The following NFATC3 variants were observed in gnomAD, a reference collection of about 807,000 sequenced individuals.
NFATC3 encodes the protein nuclear factor of activated T cells 3.
Under a neutral mutation model 98.6 loss-of-function variants are expected in NFATC3, and 46 were observed. The observed-to-expected ratio is 0.47, with a 90% confidence interval of 0.37 to 0.60. The LOEUF (loss-of-function observed/expected upper bound fraction) is 0.60, where lower values mean the gene tolerates loss of function less well. Ranked by LOEUF, NFATC3 falls within the 20% of genes least tolerant of loss-of-function variation. The pLI is 0.00. For synonymous variants in NFATC3, 512 were observed against 472.2 expected (o/e 1.08, Z -1.09); for missense variants, 1,256 against 1,295.5 (o/e 0.97, Z 0.47).
At chr16:68,192,000 A>G (rs551937993) in intron 9 of NFATC3, 3 of 490,368 alleles carry the variant, frequency 6.1e-6, no homozygotes, top group Non-Finnish European at 1.1e-5. Flanking sequence ...CAAGGTCAGG[A>G]GTTCAAGACC....
chr16:68,094,337 A>G (rs1379551677), intron 1 of NFATC3, among the ~76,000 whole-genome samples: 2 of 152,136 alleles, frequency 1.3e-5, no homozygotes, highest in East Asian at 3.9e-4. Context: ...CCTAAACCTG[A>G]ATGAGGAAAA....
At chr16:68,211,304 C>T (rs943830154) in intron 9 of NFATC3, among the ~76,000 whole-genome samples, 4 of 152,056 alleles carry the variant, frequency 2.6e-5, no homozygotes, top group African/African-American at 9.7e-5. Context: ...TCTCCTGCCT[C>T]AGCCTCTCGA....
chr16:68,113,442 C>A lies in NFATC3; in HGVS notation c.104-8545C>A, dbSNP rs533711439. 8.5e-5 allele frequency among the ~76,000 whole-genome samples: 13 copies of A among 152,328 alleles called. No individual in the cohort carries two copies. In the South Asian group the frequency reaches 2.5e-3, roughly 29 times the overall value. ...GGTATAAGCAGTGGAGGCTGCAGAA[C>A]AGCAAAGATGGCTGCCTCCTCCTCT... On this transcript the variant is annotated intron_variant, in intron 1 of 9. Coordinates refer to ENST00000346183, the MANE Select transcript of NFATC3 (RefSeq NM_173165.3).
chr16:68,162,270 C>G (rs1462191371), intron 4 of NFATC3, among the ~76,000 whole-genome samples: 1 of 152,062 alleles, frequency 6.6e-6, no homozygotes, highest in Non-Finnish European at 1.5e-5. Context: ...ACTGTAGATA[C>G]CAGGGTAGCT....
intron 9 of NFATC3, among the ~76,000 whole-genome samples, chr16:68,208,537 C>T (rs1203218768): frequency 1.3e-5 from 2 of 152,194 alleles, no homozygotes; most frequent in East Asian, 3.9e-4. Flanking sequence ...GTGGGCCCAC[C>T]TGGCCAACAT....
intron 7 of NFATC3, 52 bp downstream of exon 7, chr16:68,181,582 A>G: frequency 7.7e-7 from 1 of 1,291,084 alleles, no homozygotes; most frequent in Non-Finnish European, 1.1e-6. Flanking sequence ...TGAATAGAAA[A>G]TTGAATAATG....
chr16:68,169,125 A>C (rs911023392), intron 5 of NFATC3, among the ~76,000 whole-genome samples: 1 of 152,052 alleles, frequency 6.6e-6, no homozygotes, highest in African/African-American at 2.4e-5. Context: ...ATATGCTACA[A>C]AATTCAGAAA....
At chr16:68,097,758 A>G (rs894212804) in intron 1 of NFATC3, among the ~76,000 whole-genome samples, 5 of 152,212 alleles carry the variant, frequency 3.3e-5, no homozygotes, top group South Asian at 4.1e-4. Context: ...CAACATATTT[A>G]AAGTGTACAG....
chr16:68,211,541 G>T (rs1392861230), intron 9 of NFATC3, among the ~76,000 whole-genome samples: 1 of 145,354 alleles, frequency 6.9e-6, no homozygotes. Flanking sequence ...GTTGTTGTTT[G>T]AGTCGGAGTC....
In NFATC3 at chr16:68,157,927, A is replaced by G; in HGVS notation, c.1460A>G (p.Asp487Gly). 6.2e-7 allele frequency: 1 copy of G among 1,613,894 alleles called. No individual in the cohort carries two copies. Among genetic ancestry groups the G allele is most frequent in the Non-Finnish European group, 8.5e-7 (1 of 1,179,896 alleles). The change falls in exon 4 of 10, where the codon GAT becomes GGT. Residue 487 changes from aspartate to glycine, a missense_variant. Around this residue, in one of 3 missense-constraint regions of NFATC3, gnomAD observed 156 missense variants for 212.4 expected, o/e 0.73. Coordinates refer to ENST00000346183, the MANE Select transcript of NFATC3 (RefSeq NM_173165.3). ...CAAATGTTTATTGGGACAGCAGATG[A>G]TCGATATTTACGACCTCATGCATTT... ...NLQMFIGTAD[D>G]RYLRPHAFYQ...
chr16:68,103,027 G>T (rs1365679549), intron 1 of NFATC3, among the ~76,000 whole-genome samples: 1 of 151,908 alleles, frequency 6.6e-6, no homozygotes, highest in East Asian at 1.9e-4. Context: ...GCCTATTCAT[G>T]TGCTTTGTCC....
intron 1 of NFATC3, chr16:68,089,071 T>G (rs1234023420): frequency 1.1e-5 from 11 of 985,480 alleles, no homozygotes; most frequent in Non-Finnish European, 1.3e-5. Context: ...TTCTTTGGCT[T>G]TTATTGATGA....
At chr16:68,139,740 A>T (rs985088119) in intron 3 of NFATC3, among the ~76,000 whole-genome samples, 31 of 152,354 alleles carry the variant, frequency 2.0e-4, no homozygotes, top group Admixed American at 3.3e-4. Flanking sequence ...TGTGGTCACC[A>T]AATAATACAT....
chr16:68,174,509 G>A lies in NFATC3; in HGVS notation c.1910G>A (p.Gly637Glu), dbSNP rs774536358. Residue 637 changes from glycine (G) to glutamate (E), a missense_variant, in exon 6 of 10, where the codon GGA becomes GAA. Transcript: ENST00000346183. ...TCCAAAATCATTTTTCTTGAAAAAGGACAAGGTAAGTAATATATGAGTTGA... is the reference window on the plus strand; with the variant it reads ...TCCAAAATCATTTTTCTTGAAAAAGAACAAGGTAAGTAATATATGAGTTGA... Reference protein sequence around the residue: ...PESKIIFLEKGQDGRPQWEVE... With the variant: ...PESKIIFLEKEQDGRPQWEVE... 2.0e-5 allele frequency: 32 copies of A among 1,599,338 alleles called. No individual in the cohort carries two copies. Among genetic ancestry groups the A allele is most frequent in the Non-Finnish European group, 2.7e-5 (32 of 1,174,114 alleles).
chr16:68,197,457 A>C (rs993469833), intron 9 of NFATC3, among the ~76,000 whole-genome samples: 2 of 152,046 alleles, frequency 1.3e-5, no homozygotes, highest in Non-Finnish European at 2.9e-5. Context: ...CTAATAGTTA[A>C]CTTTAAAAGT....
chr16:68,221,233 G>T, intron 9 of NFATC3: 1 of 1,614,064 alleles, frequency 6.2e-7, no homozygotes, highest in South Asian at 1.1e-5. Flanking sequence ...TGCTTCAGTT[G>T]AGACCTACGT....
At chr16:68,102,374 G>GAAAA (rs71268472) in intron 1 of NFATC3, among the ~76,000 whole-genome samples, 3 of 30,902 alleles carry the variant, frequency 9.7e-5, no homozygotes, top group Non-Finnish European at 1.3e-4. Context: ...TCCATCTCAG[G>GAAAA]AAAAAAAAAA....
intron 9 of NFATC3, among the ~76,000 whole-genome samples, chr16:68,193,392 G>A (rs1166522929): frequency 2.0e-5 from 3 of 152,144 alleles, no homozygotes; most frequent in Non-Finnish European, 4.4e-5. Context: ...GAACCCACAT[G>A]TAAGAAAAGC....
chr16:68,152,898 C>A (rs1472161878), intron 3 of NFATC3, among the ~76,000 whole-genome samples: 1 of 152,184 alleles, frequency 6.6e-6, no homozygotes, highest in Non-Finnish European at 1.5e-5. Context: ...GTGGCACTCT[C>A]ATCACTTCAC....
Sources: allele counts gnomAD v4.1 joint callset (sites outside exome capture counted in the v4.1 genomes callset), GRCh38; gene constraint gnomAD v4.1.1; regional missense constraint gnomAD v4.1.1; transcripts MANE v1.5; gene names NCBI Gene and HGNC (gene_info 2026-07-23, HGNC 2026-07-21).